FAM135B: variants seen among roughly 807,000 people sequenced by gnomAD.
FAM135B encodes protein FAM135B.
In FAM135B, 43 loss-of-function variants were observed where a neutral mutation model predicts 127.7. The ratio of observed to expected loss-of-function variants is 0.34; its 90% CI spans 0.26 to 0.43. The LOEUF (loss-of-function observed/expected upper bound fraction) is 0.43, where lower values mean the gene tolerates loss of function less well. Ranked by LOEUF, FAM135B falls within the 20% of genes least tolerant of loss-of-function variation. FAM135B has a pLI of 1.00. For synonymous variants in FAM135B, 670 were observed against 665.1 expected, an observed-to-expected ratio of 1.01 and a Z score of -0.11; for missense variants, 1,558 against 1,725.6, an observed-to-expected ratio of 0.90 and a Z score of 1.72.
chr8:138,380,038 T>C (rs1831743082), intron 1 of FAM135B, among the ~76,000 whole-genome samples: 1 of 152,190 alleles, frequency 6.6e-6, no homozygotes, highest in Admixed American at 6.5e-5. Flanking sequence ...CAAGAGCATT[T>C]CATTTGCAGA....
intron 7 of FAM135B, among the ~76,000 whole-genome samples, chr8:138,224,231 G>A (rs1238118138): frequency 6.6e-6 from 1 of 152,082 alleles, no homozygotes; most frequent in Non-Finnish European, 1.5e-5. Context: ...GAAATACCAC[G>A]GTTGAAGAAC....
At chr8:138,201,751 C>T (rs566303439) in intron 7 of FAM135B, among the ~76,000 whole-genome samples, 3 of 152,148 alleles carry the variant, frequency 2.0e-5, no homozygotes, top group Non-Finnish European at 4.4e-5. Context: ...AGCAGGCAGG[C>T]AGATCATTAC....
At position 138,456,307 on chromosome 8, in the gene FAM135B, A is replaced by C. The variant is rs192735972; in HGVS notation, c.-20+40364T>G. Among the ~76,000 whole-genome samples the C allele has an allele frequency of 3.3e-4, 50 of 152,366 alleles. 1 individual carries two copies. The highest frequency in any genetic ancestry group is 3.4e-3 in the Middle Eastern group (1 of 294). ...CCAAAATGAACTAAGAGCTAATTGCAATTTACAAAGTCAGGTAATCTTCCT... is the reference window on the plus strand; with the variant it reads ...CCAAAATGAACTAAGAGCTAATTGCCATTTACAAAGTCAGGTAATCTTCCT... On this transcript the variant is annotated intron_variant, in intron 1 of 19. Coordinates refer to ENST00000395297, the MANE Select transcript of FAM135B (RefSeq NM_015912.4).
chr8:138,152,644 T>C lies in FAM135B; in HGVS notation c.1831A>G (p.Thr611Ala). The change falls in exon 13 of 20, where the codon ACT (threonine) becomes GCT (alanine). Residue 611 changes from threonine to alanine, a missense_variant. Transcript: ENST00000395297. Reference sequence around the variant, plus strand: ...CCTAGAGTACTTAATTCATGGAGAGTTGTTTTGTCTGAAGAGATGGCATTT... The same window carrying C: ...CCTAGAGTACTTAATTCATGGAGAGCTGTTTTGTCTGAAGAGATGGCATTT... The part of the protein sequence containing the change: ...HQNAISSDKT[T>A]LHELSTLGKG... The C allele has an allele frequency of 1.9e-6, 3 of 1,614,122 alleles. No homozygotes were observed. Among genetic ancestry groups the C allele is most frequent in the East Asian group, 2.2e-5 (1 of 44,874 alleles).
At chr8:138,371,013 A>G (rs1417429454) in intron 1 of FAM135B, among the ~76,000 whole-genome samples, 3 of 152,190 alleles carry the variant, frequency 2.0e-5, no homozygotes. Context: ...GGTGAGTTTC[A>G]GGGATCTGTG....
At chr8:138,371,413 A>AT (rs572809417) in intron 1 of FAM135B, among the ~76,000 whole-genome samples, 374 of 152,220 alleles carry the variant, frequency 2.5e-3, no homozygotes, top group Non-Finnish European at 4.6e-3. Context: ...AATCTTCATC[A>AT]CACACACAAG....
chr8:138,299,586 T>TATACAC (rs1825725609), intron 3 of FAM135B, among the ~76,000 whole-genome samples: 1 of 142,880 alleles, frequency 7.0e-6, no homozygotes, highest in African/African-American at 2.5e-5. Flanking sequence ...CATACACACA[T>TATACAC]ACACACACAC....
intron 11 of FAM135B, among the ~76,000 whole-genome samples, chr8:138,171,726 T>TGAA (rs1319839484): frequency 6.6e-6 from 1 of 152,140 alleles, no homozygotes; most frequent in Non-Finnish European, 1.5e-5. Context: ...GAGGAAGCAG[T>TGAA]GAAGACCAAT....
chr8:138,196,309 C>T (rs1156833955), intron 8 of FAM135B, among the ~76,000 whole-genome samples: 1 of 152,162 alleles, frequency 6.6e-6, no homozygotes, highest in Non-Finnish European at 1.5e-5. Context: ...AAGATTTGAA[C>T]TTGAAAAAAT....
chr8:138,473,460 A>G (rs1452605628), intron 1 of FAM135B, among the ~76,000 whole-genome samples: 2 of 152,068 alleles, frequency 1.3e-5, no homozygotes, highest in Admixed American at 1.3e-4. Flanking sequence ...TCCCACATAG[A>G]TCCCATCTTC....
rs182298987 is a variant in FAM135B, at chr8:138,375,144, C to A, written c.-19-7142G>T. Among the ~76,000 whole-genome samples the A allele has an allele frequency of 2.1e-4, 32 of 151,698 alleles. No homozygotes were observed. In the South Asian group the frequency reaches 5.6e-3, roughly 27 times the overall value. On this transcript the variant is annotated intron_variant, in intron 1 of 19. Transcript: ENST00000395297. ...AATGCCAGCTCTGGCAAAAAAAAAA[C>A]TGCACATGTAGCTGATAGCTGAGCC...
intron 11 of FAM135B, among the ~76,000 whole-genome samples, chr8:138,177,047 T>C (rs1448746537): frequency 1.3e-5 from 2 of 152,246 alleles, no homozygotes; most frequent in East Asian, 3.8e-4. Context: ...CTGCTTCTAA[T>C]TCATTTCGCA....
At chr8:138,194,504 G>T (rs1816448191) in intron 9 of FAM135B, among the ~76,000 whole-genome samples, 1 of 152,164 alleles carries the variant, frequency 6.6e-6, no homozygotes, top group Admixed American at 6.5e-5. Context: ...TGTATGCCCA[G>T]GCTCAGGCAA....
At chr8:138,378,734 C>CTT (rs113152854) in intron 1 of FAM135B, among the ~76,000 whole-genome samples, 8 of 146,700 alleles carry the variant, frequency 5.5e-5, no homozygotes. Context: ...TGTATGTTTG[C>CTT]TTTTTTTTTT....
chr8:138,332,329 G>A (rs1022230682), intron 2 of FAM135B, among the ~76,000 whole-genome samples: 5 of 152,120 alleles, frequency 3.3e-5, no homozygotes, highest in Non-Finnish European at 4.4e-5. Flanking sequence ...GGAGATCACC[G>A]AGGGCTTTCT....
intron 7 of FAM135B, among the ~76,000 whole-genome samples, chr8:138,218,778 G>C (rs1333933563): frequency 3.5e-4 from 16 of 45,742 alleles, no homozygotes; most frequent in African/African-American, 7.6e-4. Flanking sequence ...GAGAGAGAGA[G>C]AGAGAGAGAG....
intron 1 of FAM135B, among the ~76,000 whole-genome samples, chr8:138,426,118 ATGTGTG>A (rs36037032): frequency 4.2e-5 from 5 of 120,036 alleles, no homozygotes; most frequent in Admixed American, 9.0e-5. Flanking sequence ...ATATACACAT[ATGTGTG>A]TGTGTGTGTG....
At chr8:138,309,531 C>G (rs1826505151) in intron 3 of FAM135B, among the ~76,000 whole-genome samples, 1 of 152,218 alleles carries the variant, frequency 6.6e-6, no homozygotes, top group South Asian at 2.1e-4. Flanking sequence ...TGCTCTGAAA[C>G]CACAGGCCTC....
chr8:138,419,868 C>T (rs1238440945), intron 1 of FAM135B, among the ~76,000 whole-genome samples: 1 of 151,964 alleles, frequency 6.6e-6, no homozygotes, highest in East Asian at 1.9e-4. Context: ...GTTAATAGTG[C>T]TAAACACCTA....
Sources: gnomAD v4.1 joint callset for allele counts (sites outside exome capture counted in the v4.1 genomes callset) on GRCh38, gnomAD v4.1.1 for gene constraint, MANE v1.5 for transcripts, NCBI Gene and HGNC (gene_info 2026-07-23, HGNC 2026-07-21) for gene names.